Variants in MCC observed in about 807,000 individuals in gnomAD.
MCC encodes colorectal mutant cancer protein.
In MCC, 90 loss-of-function variants were observed where a neutral mutation model predicts 116.2. The ratio of observed to expected loss-of-function variants is 0.77; its 90% CI spans 0.65 to 0.92. The LOEUF is 0.92. MCC is among the 40% of genes least tolerant of loss of function. MCC has a pLI of 0.00. For missense variants in MCC, 1,516 were observed against 1,312.2 expected (o/e 1.16, Z -2.40); for synonymous variants, 578 against 510.5 (o/e 1.13, Z -1.78).
intron 8 of MCC, among the ~76,000 whole-genome samples, chr5:113,091,668 C>T (rs1007803720): frequency 6.6e-6 from 1 of 152,050 alleles, no homozygotes. Flanking sequence ...GGTTGCTTGA[C>T]CCCAGGAGTT....
At chr5:113,111,327 C>T (rs1023987024) in intron 6 of MCC, among the ~76,000 whole-genome samples, 27 of 152,156 alleles carry the variant, frequency 1.8e-4, no homozygotes, top group African/African-American at 6.5e-4. Flanking sequence ...GTTTCCCCTA[C>T]ACCCCAAAGC....
At chr5:113,243,652 C>T (rs1051153791) in intron 3 of MCC, among the ~76,000 whole-genome samples, 1 of 152,222 alleles carries the variant, frequency 6.6e-6, no homozygotes, top group Non-Finnish European at 1.5e-5. Flanking sequence ...TTCAAAGGCG[C>T]TGGCCATGCC....
chr5:113,101,384 ATT>A (rs5870532), intron 8 of MCC: 105 of 170,784 alleles, frequency 6.1e-4, no homozygotes, highest in South Asian at 1.4e-3. Flanking sequence ...GTAAAATTCC[ATT>A]TTTTTTTTTC....
chr5:113,139,364 T>A (rs987335709), intron 5 of MCC, among the ~76,000 whole-genome samples: 3 of 152,162 alleles, frequency 2.0e-5, no homozygotes, highest in Non-Finnish European at 2.9e-5. Context: ...TATAACATAG[T>A]AACATACTCA....
intron 3 of MCC, among the ~76,000 whole-genome samples, chr5:113,328,010 A>G (rs1767609760): frequency 6.6e-6 from 1 of 152,168 alleles, no homozygotes; most frequent in African/African-American, 2.4e-5. Context: ...CAATACAAGT[A>G]TAATTGACAC....
At chr5:113,295,977 G>A (rs1766699161) in intron 3 of MCC, among the ~76,000 whole-genome samples, 1 of 152,146 alleles carries the variant, frequency 6.6e-6, no homozygotes. Context: ...AAAAAATCAT[G>A]TTTATTTTGC....
At chr5:113,269,169 C>A (rs1437578780) in intron 3 of MCC, 2 of 985,270 alleles carry the variant, frequency 2.0e-6, no homozygotes, top group Non-Finnish European at 2.4e-6. Context: ...TCTCTGCTTA[C>A]CAAACCCATG....
At chr5:113,410,913 A>G (rs927518643) in intron 1 of MCC, among the ~76,000 whole-genome samples, 1 of 152,152 alleles carries the variant, frequency 6.6e-6, no homozygotes, top group African/African-American at 2.4e-5. Context: ...AGCTTCATCC[A>G]TGTCCCTGCA....
chr5:113,371,146 G>C (rs1415959645), intron 2 of MCC, among the ~76,000 whole-genome samples: 2 of 152,172 alleles, frequency 1.3e-5, no homozygotes, highest in Admixed American at 6.5e-5. Context: ...ACTTGAACCT[G>C]GTAGGCGGAG....
chr5:113,372,333 A>G (rs1581434393), intron 2 of MCC, among the ~76,000 whole-genome samples: 1 of 152,338 alleles, frequency 6.6e-6, no homozygotes, highest in South Asian at 2.1e-4. Context: ...AGCAAGTAAG[A>G]CTGAACCAGT....
At chr5:113,095,198 A>G (rs1023899851) in intron 8 of MCC, among the ~76,000 whole-genome samples, 2 of 152,156 alleles carry the variant, frequency 1.3e-5, no homozygotes, top group Non-Finnish European at 2.9e-5. Flanking sequence ...GTTGGTCTGC[A>G]TGGGAGTGGG....
chr5:113,190,259 G>A (rs1368667041), intron 3 of MCC, among the ~76,000 whole-genome samples: 1 of 152,162 alleles, frequency 6.6e-6, no homozygotes, highest in Non-Finnish European at 1.5e-5. Context: ...CTCTAAACTG[G>A]TAGGGCTCTA....
At position 113,110,022 on chromosome 5, in the gene MCC, T is replaced by A. The variant is rs569376874; in HGVS notation, c.1028-5667A>T. On this transcript the variant is annotated intron_variant, in intron 6 of 18. Transcript: ENST00000408903. Reference sequence around the variant, plus strand: ...TCTCCAGAGACAGGATCTCATTACATTGCCCAGGCTAGGAACGAACTCCTG... The same window carrying A: ...TCTCCAGAGACAGGATCTCATTACAATGCCCAGGCTAGGAACGAACTCCTG... 4.6e-5 allele frequency among the ~76,000 whole-genome samples: 7 copies of A among 152,218 alleles called. No homozygotes were observed. In the East Asian group the frequency reaches 1.2e-3, roughly 25 times the overall value.
chr5:113,157,085 C>G (rs1037324336), intron 3 of MCC, among the ~76,000 whole-genome samples: 2 of 152,172 alleles, frequency 1.3e-5, no homozygotes, highest in Non-Finnish European at 2.9e-5. Context: ...TCATAAGGTG[C>G]CCTTGAACTC....
intron 11 of MCC, among the ~76,000 whole-genome samples, chr5:113,073,189 C>G (rs188040525): frequency 1.3e-5 from 2 of 152,092 alleles, no homozygotes; most frequent in Admixed American, 1.3e-4. Context: ...AAAGATTGGA[C>G]ACCCCTGCAC....
At chr5:113,384,420 C>T (rs558450695) in intron 2 of MCC, among the ~76,000 whole-genome samples, 6 of 152,268 alleles carry the variant, frequency 3.9e-5, no homozygotes, top group African/African-American at 1.2e-4. Context: ...AACCCCGTCT[C>T]TACTAAAAAT....
intron 3 of MCC, among the ~76,000 whole-genome samples, chr5:113,209,163 T>G (rs1763022485): frequency 6.6e-6 from 1 of 152,242 alleles, no homozygotes; most frequent in Non-Finnish European, 1.5e-5. Context: ...CGAGAGGCTC[T>G]TACATTCCAA....
chr5:113,454,066 G>A (rs1175231270), intron 1 of MCC, among the ~76,000 whole-genome samples: 3 of 151,926 alleles, frequency 2.0e-5, no homozygotes, highest in Non-Finnish European at 2.9e-5. Flanking sequence ...ACGGAATATC[G>A]CGCTATTGCA....
chr5:113,201,789 A>C (rs1467721266), intron 3 of MCC, among the ~76,000 whole-genome samples: 1 of 152,098 alleles, frequency 6.6e-6, no homozygotes, highest in Non-Finnish European at 1.5e-5. Flanking sequence ...AAAGGGGAAA[A>C]GTCTTATTCT....
Sources: allele counts gnomAD v4.1 joint callset (sites outside exome capture counted in the v4.1 genomes callset), GRCh38; gene constraint gnomAD v4.1.1; transcripts MANE v1.5; gene names NCBI Gene and HGNC (gene_info 2026-07-23, HGNC 2026-07-21).